PLEKHD1: variants seen among roughly 807,000 people sequenced by gnomAD.
The protein encoded by PLEKHD1 is pleckstrin homology and coiled-coil domain containing D1, also known as pleckstrin homology domain-containing family D member 1.
PLEKHD1 carries 51 observed loss-of-function variants against 69.2 expected under a neutral mutation model. The ratio of observed to expected loss-of-function variants is 0.74; its 90% confidence interval spans 0.59 to 0.93. The LOEUF (loss-of-function observed/expected upper bound fraction) is 0.93. PLEKHD1 is among the 40% of genes least tolerant of loss of function. The pLI is 0.00. For synonymous variants in PLEKHD1, 236 were observed against 244.7 expected (o/e 0.96, Z 0.33); for missense variants, 584 against 641.0 (o/e 0.91, Z 0.96).
At position 69,498,662 on chromosome 14, in the gene PLEKHD1, T is replaced by TCTTCTCTTCTCTTCTCTTCTCTTCTCTTC. The variant is rs1566557403; in HGVS notation, c.150-1453_150-1452insCTTCTCTTCTCTTCTCTTCTCTTCTCTTC. ...TCTTCTCTTCTCTTCTCTTCTCTTC[T>TCTTCTCTTCTCTTCTCTTCTCTTCTCTTC]TTGAGATGGAGTCTCACTCGTGTTG... is the stretch of plus-strand genomic sequence containing the variant. On this transcript the variant is annotated intron_variant, in intron 1 of 12. Transcript: ENST00000322564. Among the ~76,000 whole-genome samples the TCTTCTCTTCTCTTCTCTTCTCTTCTCTTC allele has an allele frequency of 3.0e-5, 4 of 135,268 alleles. No homozygotes were observed. In the East Asian group the frequency reaches 6.6e-4, roughly 22 times the overall value. 88.7% of individuals were successfully genotyped at this position (135,268 alleles called of 152,430 possible). A position where few individuals can be genotyped will look rare whatever the true frequency, so the allele number is the denominator to read the frequency against.
chr14:69,527,059 T>A, intron 10 of PLEKHD1, 129 bp from the exon 11 acceptor site: 1 of 1,272,156 alleles, frequency 7.9e-7, no homozygotes, highest in Non-Finnish European at 1.1e-6. Flanking sequence ...AGGGTAAGAC[T>A]CAGAAGCGGG....
chr14:69,516,303 T>C (rs1179959711), intron 6 of PLEKHD1, among the ~76,000 whole-genome samples: 1 of 152,104 alleles, frequency 6.6e-6, no homozygotes, highest in Non-Finnish European at 1.5e-5. Context: ...GAAAATAAAA[T>C]TTATCCATAA....
intron 1 of PLEKHD1, among the ~76,000 whole-genome samples, chr14:69,497,967 A>T (rs561256338): frequency 6.6e-6 from 1 of 152,258 alleles, no homozygotes; most frequent in South Asian, 2.1e-4. Context: ...CAGGAGGGTC[A>T]CTTGAGGCCA....
chr14:69,507,303 T>C (rs1883174635), intron 6 of PLEKHD1, among the ~76,000 whole-genome samples: 1 of 152,226 alleles, frequency 6.6e-6, no homozygotes. Context: ...GTAATGTGCA[T>C]TCAGGTTTCC....
chr14:69,498,036 T>TATTTC (rs1491254198), intron 1 of PLEKHD1, among the ~76,000 whole-genome samples: 9 of 141,836 alleles, frequency 6.3e-5, no homozygotes, highest in African/African-American at 2.4e-4. Context: ...TATTTTGTTT[T>TATTTC]ATTTTATTTT....
chr14:69,481,422 T>C (rs55751520), upstream of PLEKHD1, among the ~76,000 whole-genome samples: 25,881 of 152,200 alleles, frequency 0.17, 2,381 homozygotes, highest in South Asian at 0.24. Flanking sequence ...CTACAGGAAA[T>C]TGAGCCCTAG....
chr14:69,526,616 G>T (rs1223926262), intron 9 of PLEKHD1, 81 bp from the exon 10 acceptor site: 4 of 1,412,474 alleles, frequency 2.8e-6, no homozygotes, highest in Admixed American at 6.1e-5. Context: ...TCCAGCCCAG[G>T]TCTCTAAGAG....
chr14:69,528,061 T>A, intron 12 of PLEKHD1, 129 bp downstream of exon 12: 1 of 1,475,548 alleles, frequency 6.8e-7, no homozygotes, highest in South Asian at 1.2e-5. Flanking sequence ...CCCACCATCC[T>A]TGGGCAAACG....
chr14:69,522,262 C>A, intron 6 of PLEKHD1, 21 bp from the exon 7 acceptor site: 1 of 1,550,372 alleles, frequency 6.5e-7, no homozygotes, highest in South Asian at 1.2e-5. Flanking sequence ...TGACTCTTCT[C>A]TTCCTCTCTG....
chr14:69,500,035 C>G (rs1882987380), intron 1 of PLEKHD1, 80 bp from the exon 2 acceptor site: 1 of 974,192 alleles, frequency 1.0e-6, no homozygotes, highest in Non-Finnish European at 1.6e-6. Flanking sequence ...AGTCCAGGGC[C>G]CCCAAGGGTG....
In PLEKHD1 at chr14:69,500,699, G is replaced by T. The variant is rs958574369; in HGVS notation, c.333+33G>T. 5 of 1,544,806 alleles carry T rather than the reference G, an allele frequency of 3.2e-6. No individual in the cohort carries two copies. In the East Asian group the frequency reaches 1.2e-4, roughly 38 times the overall value. ...AAGCTCTTCCCTCAGCCTGGGCTCC[G>T]CAGGAGCAGACCAGCCTCTCAGGCC... On this transcript the variant is annotated intron_variant, in intron 3 of 12. Transcript: ENST00000322564.
chr14:69,509,890 A>T (rs906423208), intron 6 of PLEKHD1, among the ~76,000 whole-genome samples: 1 of 151,888 alleles, frequency 6.6e-6, no homozygotes, highest in South Asian at 2.1e-4. Flanking sequence ...GTGAGCCAAG[A>T]TCACACCACT....
At chr14:69,494,662 C>G (rs2139498718) in intron 1 of PLEKHD1, among the ~76,000 whole-genome samples, 1 of 152,366 alleles carries the variant, frequency 6.6e-6, no homozygotes, top group Admixed American at 6.5e-5. Context: ...TGGGCCGTCT[C>G]TAGCCAGACC....
rs775781745 is a variant in PLEKHD1 at position 69,500,088 on chromosome 14, CT to C, written c.150-23del. On this transcript the variant is annotated intron_variant, in intron 1 of 12. Transcript: ENST00000322564. ...AACCTCACCCCTTCTCTCCTGGTTG[CT>C]TTTCCTTCCCCACCGCCCACTATAG... The C allele has an allele frequency of 4.0e-6, 6 of 1,498,946 alleles. No individual in the cohort carries two copies. In the South Asian group the frequency reaches 7.2e-5, roughly 18 times the overall value. 92.9% of individuals were successfully genotyped at this position (1,498,946 alleles called of 1,614,324 possible). A position where few individuals can be genotyped will look rare whatever the true frequency, so the allele number is the denominator to read the frequency against.
At chr14:69,496,391 G>A (rs1474542605) in intron 1 of PLEKHD1, among the ~76,000 whole-genome samples, 1 of 152,226 alleles carries the variant, frequency 6.6e-6, no homozygotes, top group Non-Finnish European at 1.5e-5. Flanking sequence ...TCACAGTTCT[G>A]CAGGCTGAGA....
At chr14:69,485,213 C>CTGTG in intron 1 of PLEKHD1, 99 bp downstream of exon 1, 1 of 1,334,098 alleles carries the variant, frequency 7.5e-7, no homozygotes, top group Non-Finnish European at 1.0e-6. Flanking sequence ...CTCTGCTTTC[C>CTGTG]TGTGTGACCT....
intron 7 of PLEKHD1, among the ~76,000 whole-genome samples, chr14:69,523,271 C>G (rs1883562851): frequency 6.6e-6 from 1 of 152,180 alleles, no homozygotes; most frequent in Non-Finnish European, 1.5e-5. Context: ...CCAGGTGATT[C>G]TGAGGCAGCC....
At chr14:69,482,916 AAAAAAAGAAAGAAAG>A (rs1357569240), upstream of PLEKHD1, among the ~76,000 whole-genome samples, 2 of 148,344 alleles carry the variant, frequency 1.3e-5, 1 homozygote, top group South Asian at 4.2e-4. Context: ...AGAAAGAAAG[AAAAAAAGAAAGAAAG>A]AAAAAAGAAA....
chr14:69,520,470 A>G (rs1434542070), intron 6 of PLEKHD1, among the ~76,000 whole-genome samples: 1 of 152,106 alleles, frequency 6.6e-6, no homozygotes, highest in African/African-American at 2.4e-5. Flanking sequence ...TGGGGTCTAT[A>G]AGAAGAAAAT....
Sources: gnomAD v4.1 joint callset for allele counts (sites outside exome capture counted in the v4.1 genomes callset) on GRCh38, gnomAD v4.1.1 for gene constraint, MANE v1.5 for transcripts, NCBI Gene and HGNC (gene_info 2026-07-23, HGNC 2026-07-21) for gene names.